NPIPB11: variants seen among roughly 807,000 people sequenced by gnomAD.
NPIPB11 encodes the protein nuclear pore complex-interacting protein family member B11.
In NPIPB11, 17 loss-of-function variants were observed where a neutral mutation model predicts 32.8. That is an observed-to-expected ratio of 0.52 (90% CI 0.35 to 0.78). The LOEUF (loss-of-function observed/expected upper bound fraction) is 0.78, where lower values mean the gene tolerates loss of function less well. Among genes scored for constraint, NPIPB11 ranks in the 30% least tolerant of loss-of-function variants. The probability of loss-of-function intolerance (pLI) is 0.01; values close to 1 mark genes in which losing one functional copy is unlikely to be tolerated. For missense variants in NPIPB11, 537 were observed against 1,000.4 expected (o/e 0.54, Z 6.25); for synonymous variants, 209 against 398.4 (o/e 0.52, Z 5.66).
intron 2 of NPIPB11, among the ~76,000 whole-genome samples, chr16:29,399,473 G>A: frequency 1.4e-5 from 2 of 146,242 alleles, no homozygotes; most frequent in African/African-American, 2.5e-5. Flanking sequence ...AGGCCGAGGT[G>A]GGTGGATCAC....
chr16:29,392,227 A>G (rs1963739954), intron 3 of NPIPB11, among the ~76,000 whole-genome samples: 2 of 152,166 alleles, frequency 1.3e-5, no homozygotes, highest in African/African-American at 4.8e-5. Flanking sequence ...AATGTCAAAC[A>G]CATGAAGAAA....
At chr16:29,389,760 G>C (rs1192818068) in intron 5 of NPIPB11, among the ~76,000 whole-genome samples, 181 bp downstream of exon 5, 4 of 143,150 alleles carry the variant, frequency 2.8e-5, no homozygotes, top group Non-Finnish European at 4.5e-5. Context: ...TTACAAACAA[G>C]AATGTAGGAA....
chr16:29,406,298 CAGTT>C (rs1964112094), upstream of NPIPB11, among the ~76,000 whole-genome samples: 1 of 152,248 alleles, frequency 6.6e-6, no homozygotes, highest in South Asian at 2.1e-4. Context: ...GATCTCATCT[CAGTT>C]ATATTTATGG....
chr16:29,383,000 A>C (rs1161513878), exon 8 of NPIPB11: 3 of 1,604,500 alleles, frequency 1.9e-6, no homozygotes, highest in Non-Finnish European at 2.5e-6. Flanking sequence ...TGACGCTCGG[A>C]AGGTGTCTTG....
chr16:29,404,646 A>AG (rs1964071756), upstream of NPIPB11, among the ~76,000 whole-genome samples: 1 of 151,100 alleles, frequency 6.6e-6, no homozygotes, highest in African/African-American at 2.4e-5. Context: ...AAGACTGGGT[A>AG]GTTCCGGCCT....
chr16:29,390,973 A>G (rs1370971374), intron 3 of NPIPB11, among the ~76,000 whole-genome samples: 1 of 151,164 alleles, frequency 6.6e-6, no homozygotes, highest in Non-Finnish European at 1.5e-5. Flanking sequence ...AAAAAAAAAA[A>G]AAAAAAAAAA....
At chr16:29,394,738 T>C (rs1323424968) in intron 2 of NPIPB11, among the ~76,000 whole-genome samples, 2 of 151,174 alleles carry the variant, frequency 1.3e-5, no homozygotes, top group African/African-American at 2.4e-5. Context: ...AGCCATTTTT[T>C]TGTTTTTGTT....
chr16:29,399,211 G>A (rs1963930781), intron 2 of NPIPB11, among the ~76,000 whole-genome samples: 1 of 152,134 alleles, frequency 6.6e-6, no homozygotes, highest in Non-Finnish European at 1.5e-5. Context: ...CTTCCCACAG[G>A]GCTTCTGCCC....
At chr16:29,391,040 G>A (rs890014092) in intron 3 of NPIPB11, among the ~76,000 whole-genome samples, 12 of 151,372 alleles carry the variant, frequency 7.9e-5, no homozygotes, top group African/African-American at 1.7e-4. Flanking sequence ...AGGCCGACGC[G>A]GGTGAATCAC....
At chr16:29,391,787 C>A (rs918613760) in intron 3 of NPIPB11, among the ~76,000 whole-genome samples, 2 of 152,120 alleles carry the variant, frequency 1.3e-5, no homozygotes, top group Non-Finnish European at 1.5e-5. Flanking sequence ...GTGGCGCTAC[C>A]TTGGCTCACG....
At chr16:29,394,756 GT>G (rs889193351) in intron 2 of NPIPB11, among the ~76,000 whole-genome samples, 1 of 150,084 alleles carries the variant, frequency 6.7e-6, no homozygotes, top group East Asian at 2.0e-4. Flanking sequence ...GTTTTTGTTT[GT>G]TTTTTTGAGA....
At chr16:29,399,839 G>C (rs1325402897) in intron 2 of NPIPB11, among the ~76,000 whole-genome samples, 2 of 152,038 alleles carry the variant, frequency 1.3e-5, no homozygotes, top group African/African-American at 4.8e-5. Flanking sequence ...AGCACTTTGG[G>C]AGGCTGAGGC....
At chr16:29,406,584 C>G (rs935001366), upstream of NPIPB11, among the ~76,000 whole-genome samples, 3 of 152,148 alleles carry the variant, frequency 2.0e-5, no homozygotes, top group African/African-American at 7.2e-5. Context: ...CCTGGTGGCA[C>G]ATGCCTGTAG....
chr16:29,390,630 C>T (rs9923851), intron 3 of NPIPB11, among the ~76,000 whole-genome samples: 19 of 140,108 alleles, frequency 1.4e-4, no homozygotes, highest in Non-Finnish European at 1.9e-4. Flanking sequence ...CCAGCCTGAG[C>T]GACAGAATGA....
At chr16:29,389,949 G>A (rs1336915691) in exon 5 of NPIPB11, 2 of 1,591,598 alleles carry the variant, frequency 1.3e-6, no homozygotes, top group East Asian at 2.2e-5. Context: ...ACTGTTTTCT[G>A]GCGGTCTTCC....
upstream of NPIPB11, among the ~76,000 whole-genome samples, chr16:29,404,559 G>A (rs1465232714): frequency 1.9e-5 from 2 of 106,592 alleles, no homozygotes; most frequent in Non-Finnish European, 3.9e-5. Flanking sequence ...CCACAGATGA[G>A]GCCACAGTGC....
chr16:29,401,746 T>A (rs4017124), intron 2 of NPIPB11, among the ~76,000 whole-genome samples: 1 of 152,162 alleles, frequency 6.6e-6, no homozygotes, highest in Admixed American at 6.6e-5. Flanking sequence ...CCATTGAGAC[T>A]GGCCACCCTC....
chr16:29,399,949 C>T (rs1232110096), intron 2 of NPIPB11, among the ~76,000 whole-genome samples: 3 of 151,410 alleles, frequency 2.0e-5, no homozygotes, highest in Non-Finnish European at 4.4e-5. Flanking sequence ...CGGTGGCACC[C>T]GCCTGTAATC....
chr16:29,405,561 C>T (rs1211590041), upstream of NPIPB11, among the ~76,000 whole-genome samples: 1 of 152,102 alleles, frequency 6.6e-6, no homozygotes, highest in Non-Finnish European at 1.5e-5. Flanking sequence ...GTTGTTTTTC[C>T]TTTAAAAACT....
Sources: allele counts gnomAD v4.1 joint callset (sites outside exome capture counted in the v4.1 genomes callset), GRCh38; gene constraint gnomAD v4.1.1; transcripts MANE v1.5; gene names NCBI Gene and HGNC (gene_info 2026-07-23, HGNC 2026-07-21).